Variants in PLCG2 observed in about 807,000 individuals in gnomAD.
The protein encoded by PLCG2 is 1-phosphatidylinositol 4,5-bisphosphate phosphodiesterase gamma-2.
In PLCG2, 69 loss-of-function variants were observed where a neutral mutation model predicts 175.6. The observed-to-expected ratio is 0.39, with a 90% CI of 0.32 to 0.48. PLCG2 has a LOEUF of 0.48. Ranked by LOEUF, PLCG2 falls within the 20% of genes least tolerant of loss-of-function variation. The probability of loss-of-function intolerance (pLI) is 0.91; values close to 1 mark genes in which losing one functional copy is unlikely to be tolerated. For missense variants in PLCG2, 1,798 were observed against 1,650.9 expected, an observed-to-expected ratio of 1.09 and a Z score of -1.54; for synonymous variants, 827 against 624.0, an observed-to-expected ratio of 1.33 and a Z score of -4.85.
chr16:81,808,532 C>T (rs999273194), intron 2 of PLCG2, among the ~76,000 whole-genome samples: 4 of 152,010 alleles, frequency 2.6e-5, no homozygotes, highest in African/African-American at 4.8e-5. Context: ...CTCCCTCTGT[C>T]GCCCAGGCTG....
chr16:81,923,933 A>C (rs1910159969), intron 22 of PLCG2, among the ~76,000 whole-genome samples: 1 of 152,182 alleles, frequency 6.6e-6, no homozygotes, highest in African/African-American at 2.4e-5. Flanking sequence ...CCAAATCTTC[A>C]TTACTCCCTG....
intron 2 of PLCG2, among the ~76,000 whole-genome samples, chr16:81,832,443 G>T (rs1002680062): frequency 1.3e-5 from 2 of 152,286 alleles, no homozygotes; most frequent in African/African-American, 4.8e-5. Flanking sequence ...AGGTGGGAGC[G>T]CAGTGGCATG....
At position 81,962,605 on chromosome 16, in the gene PLCG2, C is replaced by T. The variant is rs957467056; in HGVS notation, c.*4607C>T. The stretch of plus-strand genomic sequence containing the variant: ...TACATAGAGAATTAAGTGAATGAGT[C>T]ACACAGATGTTGGCTGTTGTTAATG... On this transcript the variant is annotated 3_prime_UTR_variant, in exon 33 of 33. Coordinates refer to ENST00000564138, the MANE Select transcript of PLCG2 (RefSeq NM_002661.5). The T allele has an allele frequency of 4.5e-6, 1 of 223,238 alleles. No homozygotes were observed. Among genetic ancestry groups the T allele is most frequent in the Non-Finnish European group, 8.9e-6 (1 of 111,916 alleles). The allele number at this position is 223,238 out of a possible 1,614,324, so 13.8% of individuals were successfully genotyped here. A position where few individuals can be genotyped will look rare whatever the true frequency, so the allele number is the denominator to read the frequency against.
chr16:81,960,427 C>G lies in PLCG2; in HGVS notation c.*2429C>G, dbSNP rs902060826. The G allele has an allele frequency of 8.8e-6, 2 of 226,628 alleles. No homozygotes were observed. The highest frequency in any genetic ancestry group is 1.8e-5 in the Non-Finnish European group (2 of 114,088). 14.0% of individuals were successfully genotyped at this position (226,628 alleles called of 1,614,324 possible). A position where few individuals can be genotyped will look rare whatever the true frequency, so the allele number is the denominator to read the frequency against. On this transcript the variant is annotated 3_prime_UTR_variant, in exon 33 of 33. Transcript: ENST00000564138. Reference sequence around the variant, plus strand: ...AAACCACCACTGCATATGTATTACACTGTTTTTGTTCACCATTTTCCTAAG... The same window carrying G: ...AAACCACCACTGCATATGTATTACAGTGTTTTTGTTCACCATTTTCCTAAG...
chr16:81,933,568 T>C (rs1018803255), intron 25 of PLCG2, among the ~76,000 whole-genome samples: 3 of 150,022 alleles, frequency 2.0e-5, no homozygotes, highest in African/African-American at 7.3e-5. Flanking sequence ...ATTGTCATGC[T>C]GTTTTTTGTT....
Position 81,943,753 on chromosome 16 carries a change from C to G in PLCG2, c.3482-2422C>G, listed in dbSNP as rs191314045. Among the ~76,000 whole-genome samples the G allele has an allele frequency of 2.0e-5, 3 of 152,312 alleles. No individual in the cohort carries two copies. In the East Asian group the frequency reaches 5.8e-4, roughly 29 times the overall value. ...AGTCTCTATCAAGGCAAAAAACAAA[C>G]TAGCAACAAAAATCACATTGTAGCG... On this transcript the variant is annotated intron_variant, in intron 30 of 32. Coordinates refer to ENST00000564138, the MANE Select transcript of PLCG2 (RefSeq NM_002661.5).
chr16:81,750,662 G>GCTTTTTTTTTTT (rs1567692941), intron 1 of PLCG2, among the ~76,000 whole-genome samples: 1 of 18,586 alleles, frequency 5.4e-5, no homozygotes, highest in Non-Finnish European at 1.2e-4. Flanking sequence ...GGGGACTGGA[G>GCTTTTTTTTTTT]ATTTTTTTTT....
intron 5 of PLCG2, among the ~76,000 whole-genome samples, chr16:81,859,547 T>C (rs906683424): frequency 3.9e-5 from 6 of 152,116 alleles, no homozygotes; most frequent in Non-Finnish European, 8.8e-5. Context: ...GTTCTTTTTT[T>C]TTTTTGAGAC....
At chr16:81,825,017 C>T (rs1021293899) in intron 2 of PLCG2, among the ~76,000 whole-genome samples, 13 of 152,160 alleles carry the variant, frequency 8.5e-5, no homozygotes, top group African/African-American at 3.1e-4. Context: ...CCAAGAAATG[C>T]AGGTGGCCTC....
At chr16:81,741,384 C>G (rs1909590993) in intron 1 of PLCG2, among the ~76,000 whole-genome samples, 2 of 152,202 alleles carry the variant, frequency 1.3e-5, no homozygotes, top group Admixed American at 6.5e-5. Context: ...TCCAAAGCAT[C>G]CACTATATCA....
At chr16:81,814,899 A>C (rs1045467446) in intron 2 of PLCG2, among the ~76,000 whole-genome samples, 10 of 152,132 alleles carry the variant, frequency 6.6e-5, no homozygotes. Flanking sequence ...AAATGAGCCA[A>C]TACACATTAG....
At position 81,896,416 on chromosome 16, in the gene PLCG2, AC is replaced by A. The variant is rs1457649141; in HGVS notation, c.1193+490del. Among the ~76,000 whole-genome samples the A allele has an allele frequency of 2.9e-4, 27 of 91,596 alleles. No homozygotes were observed. In the South Asian group the frequency reaches 7.4e-3, roughly 25 times the overall value. 60.1% of individuals were successfully genotyped at this position (91,596 alleles called of 152,430 possible). On this transcript the variant is annotated intron_variant, in intron 13 of 32. Transcript: ENST00000564138. ...CACACACACACACACACACACACAC[AC>A]ACACACACAAATCATCTGGGTGTAG...
chr16:81,928,467 G>C, intron 23 of PLCG2, 91 bp from the exon 24 acceptor site: 2 of 816,958 alleles, frequency 2.4e-6, no homozygotes, highest in Non-Finnish European at 4.4e-6. Context: ...TCCACAGGCA[G>C]TATCTCTGCT....
intron 25 of PLCG2, among the ~76,000 whole-genome samples, chr16:81,934,090 G>C (rs1178948190): frequency 6.6e-6 from 1 of 152,180 alleles, no homozygotes; most frequent in East Asian, 1.9e-4. Context: ...CACTCTAACA[G>C]TGTGGCTTTA....
intron 22 of PLCG2, among the ~76,000 whole-genome samples, chr16:81,924,372 C>T (rs1055312933): frequency 6.6e-6 from 1 of 152,264 alleles, no homozygotes. Context: ...GCATGGAGTG[C>T]TTCTATGTGT....
intron 1 of PLCG2, among the ~76,000 whole-genome samples, chr16:81,744,151 C>T: frequency 6.6e-6 from 1 of 151,364 alleles, no homozygotes; most frequent in Non-Finnish European, 1.5e-5. Context: ...AGCCACCGTG[C>T]CCAGCCAACT....
chr16:81,952,771 G>A (rs1028499280), intron 31 of PLCG2, among the ~76,000 whole-genome samples: 2 of 152,164 alleles, frequency 1.3e-5, no homozygotes, highest in Non-Finnish European at 2.9e-5. Flanking sequence ...AATCACTATT[G>A]AAACAGCATA....
chr16:81,925,394 T>TC (rs2143697176), intron 22 of PLCG2, among the ~76,000 whole-genome samples: 1 of 152,256 alleles, frequency 6.6e-6, no homozygotes, highest in Non-Finnish European at 1.5e-5. Context: ...ACAGATGGTA[T>TC]ATATGATCGC....
rs548756463 is a variant in PLCG2, at chr16:81,893,965, T to C, written c.1072+171T>C. Among the ~76,000 whole-genome samples the C allele has an allele frequency of 4.4e-4, 66 of 149,970 alleles. 2 individuals carry two copies. The highest frequency in any genetic ancestry group is 2.5e-3 in the Admixed American group (38 of 15,138). On this transcript the variant is annotated intron_variant, in intron 12 of 32. Coordinates refer to ENST00000564138, the MANE Select transcript of PLCG2 (RefSeq NM_002661.5). The stretch of plus-strand genomic sequence containing the variant: ...TCTTTGTTTTCTTTTTTCTTTCTTT[T>C]TTTTTTTTTTTTTGAGACGGAGTCC...
Sources: gnomAD v4.1 joint callset for allele counts (sites outside exome capture counted in the v4.1 genomes callset) on GRCh38, gnomAD v4.1.1 for gene constraint, MANE v1.5 for transcripts, NCBI Gene and HGNC (gene_info 2026-07-23, HGNC 2026-07-21) for gene names.